Variants in NHERF1 observed in about 807,000 individuals in gnomAD.
NHERF1 encodes the protein Na(+)/H(+) exchange regulatory cofactor NHE-RF1.
chr17:74,760,660 C>A, the NHERF1 span, among the ~76,000 whole-genome samples: 1 of 152,306 alleles, frequency 6.6e-6, no homozygotes, highest in Non-Finnish European at 1.5e-5. This position sits in a 1 kb window ranked among gnomAD's most constrained non-coding sequence, Gnocchi z 4.5. Context: ...CACACACACC[C>A]CCACCCCACC....
the NHERF1 span, among the ~76,000 whole-genome samples, chr17:74,754,399 CT>C: frequency 0.11 from 6,789 of 59,586 alleles, 225 homozygotes; most frequent in Non-Finnish European, 0.16. Flanking sequence ...TTCTTTCTTT[CT>C]TTTTTTTTTT....
the NHERF1 span, among the ~76,000 whole-genome samples, chr17:74,758,095 TC>T: frequency 6.6e-6 from 1 of 152,234 alleles, no homozygotes; most frequent in Non-Finnish European, 1.5e-5. The surrounding 1 kb of genome is among the most constrained non-coding windows in gnomAD (Gnocchi z 4.3). Context: ...CCCACAGCCT[TC>T]CCTGAAGGGA....
chr17:74,754,745 C>T, the NHERF1 span, among the ~76,000 whole-genome samples: 1 of 152,186 alleles, frequency 6.6e-6, no homozygotes, highest in Non-Finnish European at 1.5e-5. Flanking sequence ...TCCCAAAGTG[C>T]TGGGATTATA....
the NHERF1 span, among the ~76,000 whole-genome samples, chr17:74,756,273 CTTTTTTTTT>C: frequency 4.2e-5 from 3 of 71,992 alleles, no homozygotes; most frequent in African/African-American, 5.7e-5. Flanking sequence ...TTCTTTCTTT[CTTTTTTTTT>C]TTTTTTTTTT....
At chr17:74,749,723 G>C in the NHERF1 span, among the ~76,000 whole-genome samples, 1 of 151,754 alleles carries the variant, frequency 6.6e-6, no homozygotes, top group African/African-American at 2.4e-5. This position sits in a 1 kb window ranked among gnomAD's most constrained non-coding sequence, Gnocchi z 5.6. Context: ...TGCCAGCTTC[G>C]CCCGCCACTC....
chr17:74,761,262 C>G, the NHERF1 span, among the ~76,000 whole-genome samples: 64 of 152,344 alleles, frequency 4.2e-4, no homozygotes, highest in African/African-American at 1.3e-3. This position sits in a 1 kb window ranked among gnomAD's most constrained non-coding sequence, Gnocchi z 4.3. Context: ...ATTCAGGCTC[C>G]TCTGTTTCTG....
the NHERF1 span, among the ~76,000 whole-genome samples, chr17:74,750,298 A>T: frequency 6.6e-6 from 1 of 152,228 alleles, no homozygotes; most frequent in East Asian, 1.9e-4. Context: ...GTCCCCAGAG[A>T]GTGGAGTGGT....
At chr17:74,762,021 C>G in the NHERF1 span, 1 of 1,613,890 alleles carries the variant, frequency 6.2e-7, no homozygotes, top group Non-Finnish European at 8.5e-7. The surrounding 1 kb of genome is among the most constrained non-coding windows in gnomAD (Gnocchi z 4.2). Context: ...GCGCGAGCTT[C>G]GGCCTCGGCT....
At chr17:74,759,189 C>T in the NHERF1 span, among the ~76,000 whole-genome samples, 1 of 152,198 alleles carries the variant, frequency 6.6e-6, no homozygotes. Flanking sequence ...CCTTGTCCAG[C>T]CACCCCCTCA....
At chr17:74,749,347 C>G in the NHERF1 span, 2 of 1,425,288 alleles carry the variant, frequency 1.4e-6, no homozygotes, top group African/African-American at 2.9e-5. The surrounding 1 kb of genome is among the most constrained non-coding windows in gnomAD (Gnocchi z 5.6). Context: ...CGGAGAGACC[C>G]AGGTGCCCCG....
At chr17:74,750,819 CT>C in the NHERF1 span, among the ~76,000 whole-genome samples, 1 of 147,148 alleles carries the variant, frequency 6.8e-6, no homozygotes, top group African/African-American at 2.5e-5. Flanking sequence ...TCCCTTTGCC[CT>C]TTTGGTTATG....
chr17:74,754,088 T>C, the NHERF1 span, among the ~76,000 whole-genome samples: 4 of 151,846 alleles, frequency 2.6e-5, no homozygotes, highest in African/African-American at 9.7e-5. Flanking sequence ...GGCTTGAACC[T>C]GGGAGGTGGA....
chr17:74,760,399 T>G, the NHERF1 span, among the ~76,000 whole-genome samples: 190 of 152,052 alleles, frequency 1.2e-3, no homozygotes, highest in Non-Finnish European at 2.1e-3. The surrounding 1 kb of genome is among the most constrained non-coding windows in gnomAD (Gnocchi z 4.5). Flanking sequence ...GGGTGAGGGG[T>G]CCTCGAGCCT....
chr17:74,762,122 A>G, the NHERF1 span: 1 of 1,614,206 alleles, frequency 6.2e-7, no homozygotes, highest in East Asian at 2.2e-5. This position sits in a 1 kb window ranked among gnomAD's most constrained non-coding sequence, Gnocchi z 4.2. Flanking sequence ...CAGTGGACCC[A>G]GACTCCCCGG....
chr17:74,762,708 C>T, the NHERF1 span, among the ~76,000 whole-genome samples: 44 of 152,294 alleles, frequency 2.9e-4, no homozygotes, highest in Admixed American at 2.7e-3. The surrounding 1 kb of genome is among the most constrained non-coding windows in gnomAD (Gnocchi z 4.2). Context: ...CAGGTGCCCA[C>T]CACCACGCCT....
At chr17:74,765,801 C>T in the NHERF1 span, among the ~76,000 whole-genome samples, 1 of 152,100 alleles carries the variant, frequency 6.6e-6, no homozygotes, top group Admixed American at 6.6e-5. Context: ...ATCCGCCTGC[C>T]ACAGTCTCCC....
chr17:74,750,442 C>G, the NHERF1 span, among the ~76,000 whole-genome samples: 1 of 152,138 alleles, frequency 6.6e-6, no homozygotes, highest in Non-Finnish European at 1.5e-5. Flanking sequence ...GGGCACAGTT[C>G]GGCATTAAGG....
At chr17:74,768,747 T>A in the NHERF1 span, 1 of 1,120,404 alleles carries the variant, frequency 8.9e-7, no homozygotes, top group Non-Finnish European at 1.3e-6. Context: ...TGAATCAATG[T>A]ACAAATCAGC....
At chr17:74,762,252 A>G in the NHERF1 span, 21 of 1,445,314 alleles carry the variant, frequency 1.5e-5, no homozygotes, top group Non-Finnish European at 1.9e-5. This position sits in a 1 kb window ranked among gnomAD's most constrained non-coding sequence, Gnocchi z 4.2. Context: ...CCATCATACC[A>G]TCATGGGCTT....
Sources: gnomAD v4.1 joint callset for allele counts (sites outside exome capture counted in the v4.1 genomes callset) on GRCh38, gnomAD v4.1.1 for gene constraint, Gnocchi (gnomAD v3.1) non-coding constraint, MANE v1.5 for transcripts, NCBI Gene and HGNC (gene_info 2026-07-23, HGNC 2026-07-21) for gene names.